The following SPATA6 variants were observed in gnomAD, a reference collection of about 807,000 sequenced individuals.
The protein encoded by SPATA6 is spermatogenesis associated 6.
A neutral mutation model predicts 65.3 loss-of-function variants in SPATA6; 56 were observed. The observed-to-expected ratio is 0.86, with a 90% CI of 0.69 to 1.07. SPATA6 has a LOEUF of 1.07. SPATA6 is among the 50% of genes least tolerant of loss of function. The pLI is 0.00. For missense variants in SPATA6, 590 were observed against 594.8 expected, an observed-to-expected ratio of 0.99 and a Z score of 0.08; for synonymous variants, 199 against 213.2, an observed-to-expected ratio of 0.93 and a Z score of 0.58.
At chr1:48,404,824 A>G (rs182552419) in intron 5 of SPATA6, among the ~76,000 whole-genome samples, 30 of 152,372 alleles carry the variant, frequency 2.0e-4, no homozygotes, top group Middle Eastern at 6.8e-3. Context: ...CACCTTGAAC[A>G]CTGTTTGAAA....
the SPATA6 span, among the ~76,000 whole-genome samples, chr1:48,273,536 C>T: frequency 9.9e-5 from 15 of 152,096 alleles, no homozygotes; most frequent in Non-Finnish European, 1.6e-4. Context: ...GTTCCCCTTG[C>T]TGTGTCCATG....
At chr1:48,411,726 A>C (rs904182916) in intron 4 of SPATA6, 138 bp from the exon 5 acceptor site, 1 of 701,658 alleles carries the variant, frequency 1.4e-6, no homozygotes, top group African/African-American at 1.8e-5. Flanking sequence ...CTATGAAAGG[A>C]AAATTAAAAT....
chr1:48,331,656 G>A (rs2148731306), intron 11 of SPATA6, among the ~76,000 whole-genome samples: 1 of 152,308 alleles, frequency 6.6e-6, no homozygotes, highest in South Asian at 2.1e-4. Context: ...ATATTTCACA[G>A]TATCGTCCAT....
intron 11 of SPATA6, among the ~76,000 whole-genome samples, chr1:48,319,493 C>T (rs2148696875): frequency 6.6e-6 from 1 of 152,154 alleles, no homozygotes; most frequent in South Asian, 2.1e-4. Context: ...GCTAACACTT[C>T]AAGTAGATTG....
intron 1 of SPATA6, among the ~76,000 whole-genome samples, chr1:48,468,840 G>T (rs1570664588): frequency 6.6e-6 from 1 of 152,094 alleles, no homozygotes; most frequent in East Asian, 1.9e-4. Context: ...CTCATGTTTG[G>T]GACAACCAGA....
Position 48,451,111 on chromosome 1 carries a change from G to A in SPATA6, c.238+441C>T, listed in dbSNP as rs578254290. Among the ~76,000 whole-genome samples the A allele has an allele frequency of 8.0e-4, 122 of 152,298 alleles. 1 individual carries two copies. Among genetic ancestry groups the A allele is most frequent in the African/African-American group, 2.9e-3 (119 of 41,556 alleles). On this transcript the variant is annotated intron_variant, in intron 3 of 12. Coordinates refer to ENST00000371847, the MANE Select transcript of SPATA6 (RefSeq NM_019073.4). Reference sequence around the variant, plus strand: ...TTTTCAAATAATTTATTAATGTAATGAATGCAATGTAAAGTGCAAAAGCAT... The same window carrying A: ...TTTTCAAATAATTTATTAATGTAATAAATGCAATGTAAAGTGCAAAAGCAT...
At chr1:48,289,758 A>C in the SPATA6 span, among the ~76,000 whole-genome samples, 1 of 152,244 alleles carries the variant, frequency 6.6e-6, no homozygotes, top group African/African-American at 2.4e-5. Context: ...TAGTGATTGA[A>C]GAATCAAATG....
In SPATA6 at chr1:48,411,471, C is replaced by A. The variant is rs1305847226; in HGVS notation, c.398G>T (p.Gly133Val). The change falls in exon 5 of 13, where the codon GGC becomes GTC. Residue 133 changes from glycine (G) to valine (V), a missense_variant. By Grantham distance (109) the Gly-to-Val change is moderately radical. Transcript: ENST00000371847. ...AAAATTGCAAGCACTTACTCGAAGG[C>A]CAGAAATCCTCCTCATGGTAACCTG... ...NRQVTMRRIS[G>V]LRGNAPRLEF... 3.7e-6 allele frequency: 6 copies of A among 1,606,348 alleles called. No homozygotes were observed. The highest frequency in any genetic ancestry group is 1.1e-5 in the South Asian group (1 of 89,050).
At chr1:48,465,500 AATC>A (rs1433938197) in intron 1 of SPATA6, among the ~76,000 whole-genome samples, 1 of 152,174 alleles carries the variant, frequency 6.6e-6, no homozygotes, top group Non-Finnish European at 1.5e-5. Context: ...TAAGACCCAA[AATC>A]ATCCTTTTAC....
chr1:48,362,538 C>A (rs185417103), intron 9 of SPATA6, among the ~76,000 whole-genome samples: 69 of 152,286 alleles, frequency 4.5e-4, no homozygotes, highest in Middle Eastern at 6.8e-3. Flanking sequence ...TCTTAGCTCA[C>A]ACTCAAACCT....
chr1:48,377,242 C>A (rs948505656), intron 9 of SPATA6, among the ~76,000 whole-genome samples: 2 of 152,136 alleles, frequency 1.3e-5, no homozygotes, highest in Non-Finnish European at 1.5e-5. Flanking sequence ...TATTTAAAAT[C>A]ATTTCATTTG....
At chr1:48,366,212 A>G (rs1647005465) in intron 9 of SPATA6, among the ~76,000 whole-genome samples, 1 of 151,966 alleles carries the variant, frequency 6.6e-6, no homozygotes, top group African/African-American at 2.4e-5. Flanking sequence ...TTTATTGAGG[A>G]TTTCTGCATC....
intron 3 of SPATA6, among the ~76,000 whole-genome samples, chr1:48,430,117 A>G (rs568037888): frequency 6.6e-6 from 1 of 152,300 alleles, no homozygotes; most frequent in Non-Finnish European, 1.5e-5. Context: ...TTGATGAATG[A>G]AATAAATGTA....
chr1:48,360,536 G>C (rs1007229319), intron 9 of SPATA6, among the ~76,000 whole-genome samples: 1 of 146,454 alleles, frequency 6.8e-6, no homozygotes, highest in African/African-American at 2.4e-5. Flanking sequence ...TAAATGCAAA[G>C]ATCTTGGGAG....
the SPATA6 span, among the ~76,000 whole-genome samples, chr1:48,284,994 G>A: frequency 6.6e-6 from 1 of 152,178 alleles, no homozygotes; most frequent in South Asian, 2.1e-4. Context: ...GAGCCAGCAC[G>A]CAGGAACGTT....
intron 11 of SPATA6, among the ~76,000 whole-genome samples, chr1:48,332,111 A>T (rs1030571528): frequency 4.6e-5 from 7 of 152,344 alleles, no homozygotes; most frequent in African/African-American, 1.7e-4. Context: ...GACCATTACC[A>T]GGCACTACAA....
At chr1:48,456,500 GA>G (rs890093582) in intron 1 of SPATA6, among the ~76,000 whole-genome samples, 132 of 147,266 alleles carry the variant, frequency 9.0e-4, no homozygotes, top group East Asian at 3.5e-3. Context: ...ATACATGGGG[GA>G]AAAAAAAAAG....
chr1:48,345,819 G>A (rs1346745876), intron 11 of SPATA6, among the ~76,000 whole-genome samples: 1 of 151,910 alleles, frequency 6.6e-6, no homozygotes, highest in Non-Finnish European at 1.5e-5. Flanking sequence ...ACAGACCAAT[G>A]ACATGTTCTG....
intron 3 of SPATA6, among the ~76,000 whole-genome samples, chr1:48,446,720 T>A (rs1422162904): frequency 6.6e-6 from 1 of 152,244 alleles, no homozygotes; most frequent in African/African-American, 2.4e-5. Flanking sequence ...TCAATAATTA[T>A]AATTAGACAT....
Sources: allele counts gnomAD v4.1 joint callset (sites outside exome capture counted in the v4.1 genomes callset), GRCh38; gene constraint gnomAD v4.1.1; transcripts MANE v1.5; gene names NCBI Gene and HGNC (gene_info 2026-07-23, HGNC 2026-07-21).